TPO: variants seen among roughly 807,000 people sequenced by gnomAD.
TPO encodes the protein thyroid microsomal antigen.
Under a neutral mutation model 96.9 loss-of-function variants are expected in TPO, and 78 were observed. The observed-to-expected ratio is 0.81, with a 90% confidence interval of 0.67 to 0.97. The LOEUF (loss-of-function observed/expected upper bound fraction) is 0.97, where lower values mean the gene tolerates loss of function less well. Among genes scored for constraint, TPO ranks in the 50% least tolerant of loss-of-function variants. The pLI, the probability that TPO is intolerant of heterozygous loss-of-function variation, is 0.00. For synonymous variants in TPO, 547 were observed against 538.0 expected (o/e 1.02, Z -0.23); for missense variants, 1,252 against 1,274.8 (o/e 0.98, Z 0.27).
At chr2:1,472,188 G>A (rs1443050358) in intron 7 of TPO, among the ~76,000 whole-genome samples, 2 of 150,946 alleles carry the variant, frequency 1.3e-5, no homozygotes, top group African/African-American at 4.9e-5. Context: ...TTTCCATGAC[G>A]TGAATGCTCA....
At chr2:1,380,826 C>T (rs932485311) in intron 1 of TPO, among the ~76,000 whole-genome samples, 1 of 152,166 alleles carries the variant, frequency 6.6e-6, no homozygotes, top group Admixed American at 6.5e-5. Context: ...GCTCACAGTT[C>T]TGCAGGCTGT....
intron 5 of TPO, among the ~76,000 whole-genome samples, chr2:1,452,111 A>AAATTTC (rs1242688361): frequency 2.0e-5 from 3 of 152,204 alleles, no homozygotes; most frequent in Non-Finnish European, 4.4e-5. Flanking sequence ...TTATAAATTT[A>AAATTTC]AATTTCATAT....
upstream of TPO, among the ~76,000 whole-genome samples, chr2:1,411,410 A>G (rs1662333590): frequency 6.6e-6 from 1 of 152,082 alleles, no homozygotes; most frequent in African/African-American, 2.4e-5. Flanking sequence ...CCAGGTCTCC[A>G]TCGGCACTCG....
chr2:1,393,542 G>A (rs1359333487), intron 1 of TPO, among the ~76,000 whole-genome samples: 1 of 152,220 alleles, frequency 6.6e-6, no homozygotes, highest in African/African-American at 2.4e-5. Flanking sequence ...CTGTGAACCT[G>A]CTGATATCAA....
intron 7 of TPO, 139 bp from the exon 8 acceptor site, chr2:1,476,947 G>T: frequency 8.8e-7 from 1 of 1,132,782 alleles, no homozygotes; most frequent in Admixed American, 2.6e-5. Context: ...GAGGGGACTG[G>T]CTGGACTGAC....
intron 7 of TPO, among the ~76,000 whole-genome samples, chr2:1,467,671 G>C (rs571967792): frequency 6.6e-6 from 1 of 152,118 alleles, no homozygotes; most frequent in African/African-American, 2.4e-5. Context: ...GCAGTTGTTG[G>C]GTAGAATGTT....
intron 1 of TPO, among the ~76,000 whole-genome samples, chr2:1,385,300 G>T (rs1317656486): frequency 6.6e-6 from 1 of 152,140 alleles, no homozygotes; most frequent in African/African-American, 2.4e-5. Context: ...GCTCCTCCTT[G>T]TACCTCTGGT....
chr2:1,502,670 A>G (rs1672993270), intron 13 of TPO, among the ~76,000 whole-genome samples: 1 of 152,166 alleles, frequency 6.6e-6, no homozygotes, highest in African/African-American at 2.4e-5. Context: ...GATTACAGGC[A>G]TGAGCCACCG....
chr2:1,505,903 G>A (rs1673401696), intron 14 of TPO, among the ~76,000 whole-genome samples: 2 of 149,754 alleles, frequency 1.3e-5, no homozygotes, highest in Admixed American at 1.3e-4. Context: ...GGGTACATGT[G>A]CACAACGTGC....
At chr2:1,519,852 C>G (rs1470976189) in intron 15 of TPO, among the ~76,000 whole-genome samples, 1 of 152,136 alleles carries the variant, frequency 6.6e-6, no homozygotes, top group African/African-American at 2.4e-5. Context: ...GTAGCCCACA[C>G]TCACAAGAAA....
chr2:1,501,640 A>G (rs1036312728), intron 13 of TPO, among the ~76,000 whole-genome samples: 3 of 152,184 alleles, frequency 2.0e-5, no homozygotes, highest in Non-Finnish European at 4.4e-5. Context: ...TGTCGGGTGC[A>G]TCCTGCTCCA....
chr2:1,482,156 T>C (rs1420921774), intron 8 of TPO, among the ~76,000 whole-genome samples: 1 of 152,246 alleles, frequency 6.6e-6, no homozygotes, highest in Non-Finnish European at 1.5e-5. Flanking sequence ...CAGAGGAGCC[T>C]GTGCCAGGGG....
At chr2:1,531,367 T>A (rs1314869644) in intron 15 of TPO, among the ~76,000 whole-genome samples, 2 of 30,318 alleles carry the variant, frequency 6.6e-5, no homozygotes, top group African/African-American at 4.5e-4. Flanking sequence ...CCCCAAATCC[T>A]CCCGACTCTG....
intron 15 of TPO, among the ~76,000 whole-genome samples, chr2:1,536,563 A>C (rs1294775816): frequency 2.0e-4 from 3 of 14,700 alleles, no homozygotes; most frequent in South Asian, 4.2e-3. Flanking sequence ...AATCCCCCCC[A>C]GTGTGTGCAA....
intron 2 of TPO, among the ~76,000 whole-genome samples, chr2:1,414,826 G>A (rs537362074): frequency 1.6e-4 from 25 of 152,204 alleles, no homozygotes; most frequent in Admixed American, 1.4e-3. Context: ...AATAACTTCT[G>A]TGATGTATTT....
intron 5 of TPO, among the ~76,000 whole-genome samples, chr2:1,450,695 C>T (rs1667230551): frequency 6.6e-6 from 1 of 152,098 alleles, no homozygotes; most frequent in Non-Finnish European, 1.5e-5. Flanking sequence ...CTGTGAGTGC[C>T]CTTGAGCCAT....
chr2:1,494,235 C>T (rs28991271), intron 11 of TPO, among the ~76,000 whole-genome samples, 196 bp downstream of exon 11: 2 of 152,206 alleles, frequency 1.3e-5, no homozygotes, highest in Non-Finnish European at 2.9e-5. Flanking sequence ...GAAGCAACTA[C>T]GAAGCACGTA....
chr2:1,478,018 T>A, intron 8 of TPO: 1 of 985,386 alleles, frequency 1.0e-6, no homozygotes. Context: ...CATTTAATAA[T>A]TCCCAGAACA....
In TPO at chr2:1,540,686, C is replaced by A; in HGVS notation, c.2711C>A (p.Thr904Asn). The change falls in exon 16 of 17, where the codon ACC becomes AAC. Residue 904 changes from threonine to asparagine, a missense_variant. Transcript: ENST00000329066. ...TGCGGAAAGCACCAGGCCGTAGGGA[C>A]CTCACCGCAGCGGGCCGCAGCTCAG... ...LRCGKHQAVG[T>N]SPQRAAAQDS... 1 of 1,613,210 alleles carries A rather than the reference C, an allele frequency of 6.2e-7. No homozygotes were observed. Among genetic ancestry groups the A allele is most frequent in the Non-Finnish European group, 8.5e-7 (1 of 1,180,024 alleles).
Sources: gnomAD v4.1 joint callset for allele counts (sites outside exome capture counted in the v4.1 genomes callset) on GRCh38, gnomAD v4.1.1 for gene constraint, MANE v1.5 for transcripts, NCBI Gene and HGNC (gene_info 2026-07-23, HGNC 2026-07-21) for gene names.